GNA15: variants seen among roughly 807,000 people sequenced by gnomAD.
GNA15 encodes guanine nucleotide-binding protein subunit alpha-15.
A neutral mutation model predicts 40.1 loss-of-function variants in GNA15; 23 were observed. That is an observed-to-expected ratio of 0.57 (90% CI 0.41 to 0.81). GNA15 has a LOEUF of 0.81. Among genes scored for constraint, GNA15 ranks in the 40% least tolerant of loss-of-function variants. GNA15 has a pLI of 0.00. For synonymous variants in GNA15, 226 were observed against 210.4 expected (o/e 1.07, Z -0.64); for missense variants, 522 against 515.8 (o/e 1.01, Z -0.12).
intron 6 of GNA15, among the ~76,000 whole-genome samples, chr19:3,161,129 A>G (rs1472922436): frequency 1.3e-5 from 2 of 151,928 alleles, no homozygotes; most frequent in African/African-American, 4.8e-5. Context: ...ATTTCTGTAG[A>G]GACAGGGTTT....
chr19:3,138,544 A>C (rs149250680), intron 1 of GNA15, among the ~76,000 whole-genome samples: 2,865 of 152,310 alleles, frequency 0.019, 84 homozygotes, highest in African/African-American at 0.065. Flanking sequence ...CCCGAGAGGA[A>C]AGAGAGAGAA....
rs534462911 is a variant in GNA15, at chr19:3,144,174, A to G, written c.146-4417A>G. On this transcript the variant is annotated intron_variant, in intron 1 of 6. Transcript: ENST00000262958. ...TCCCCCTCTCGTGGTGAGGCTCAGG[A>G]CAGATGGTGGGACTCCAGCTCTTAG... 3.1e-3 allele frequency among the ~76,000 whole-genome samples: 463 copies of G among 151,282 alleles called. 3 individuals are homozygous for G. The highest frequency in any genetic ancestry group is 0.011 in the African/African-American group (435 of 41,266).
Position 3,136,387 on chromosome 19 carries a change from G to A in GNA15, c.-64G>A, listed in dbSNP as rs940701272. 1.3e-6 allele frequency: 2 copies of A among 1,504,426 alleles called. No individual in the cohort carries two copies. Among genetic ancestry groups the A allele is most frequent in the East Asian group, 2.5e-5 (1 of 40,160 alleles). The allele number at this position is 1,504,426 out of a possible 1,614,324, so 93.2% of individuals were successfully genotyped here. On this transcript the variant is annotated 5_prime_UTR_variant, in exon 1 of 7. Transcript: ENST00000262958. The surrounding 1 kb of genome is among the most constrained non-coding windows in gnomAD (Gnocchi z 4.9). ...CCTCTCCAGGGCCGGCTGGGCTGGG[G>A]GTTGCCCTGGCCAGCAGGGGCCCGG...
intron 1 of GNA15, among the ~76,000 whole-genome samples, chr19:3,144,787 C>G (rs532078782): frequency 1.3e-5 from 2 of 151,242 alleles, no homozygotes; most frequent in Non-Finnish European, 2.9e-5. Context: ...CTTGGCCTCC[C>G]ATAGTGCTGA....
At chr19:3,147,175 A>G (rs1335197309) in intron 1 of GNA15, among the ~76,000 whole-genome samples, 1 of 152,144 alleles carries the variant, frequency 6.6e-6, no homozygotes, top group Admixed American at 6.6e-5. Context: ...TGCCCTATTT[A>G]TCCTATGTTA....
chr19:3,150,983 C>G (rs371188156), intron 3 of GNA15, among the ~76,000 whole-genome samples: 3 of 150,746 alleles, frequency 2.0e-5, no homozygotes, highest in East Asian at 3.9e-4. Context: ...GACCCTGTTC[C>G]TAGGGGTGAT....
At chr19:3,145,915 G>A (rs1914711415) in intron 1 of GNA15, among the ~76,000 whole-genome samples, 1 of 151,960 alleles carries the variant, frequency 6.6e-6, no homozygotes. Context: ...GGACTGGAGA[G>A]TCGAGGCGGC....
At chr19:3,145,359 A>ATATATATATATATATATATTTTT in intron 1 of GNA15, among the ~76,000 whole-genome samples, 19 of 46,958 alleles carry the variant, frequency 4.0e-4, no homozygotes, top group Non-Finnish European at 6.6e-4. Flanking sequence ...ATATATATAT[A>ATATATATATATATATATATTTTT]TTTTTTTTTT....
chr19:3,138,944 T>A (rs1333435083), intron 1 of GNA15, among the ~76,000 whole-genome samples: 5 of 136,596 alleles, frequency 3.7e-5, no homozygotes, highest in African/African-American at 5.5e-5. Flanking sequence ...AGCCTCTTTT[T>A]TTTTTTTTTT....
rs1469732300 is a variant in GNA15, at chr19:3,136,736, C to A, written c.145+141C>A. The A allele has an allele frequency of 5.2e-6, 4 of 762,482 alleles. No homozygotes were observed. Among genetic ancestry groups the A allele is most frequent in the Non-Finnish European group, 8.3e-6 (4 of 483,334 alleles). 47.2% of individuals were successfully genotyped at this position (762,482 alleles called of 1,614,324 possible). A position where few individuals can be genotyped will look rare whatever the true frequency, so the allele number is the denominator to read the frequency against. The stretch of plus-strand genomic sequence containing the variant: ...TCGCCTCCTCCCAGGGAATGGGGAG[C>A]CTGGAACCCATTTTCCAGATGAGAA... On this transcript the variant is annotated intron_variant, in intron 1 of 6. Transcript: ENST00000262958. This position sits in a 1 kb window ranked among gnomAD's most constrained non-coding sequence, Gnocchi z 4.9.
chr19:3,152,229 C>T (rs895177171), intron 4 of GNA15, among the ~76,000 whole-genome samples: 1 of 152,032 alleles, frequency 6.6e-6, no homozygotes, highest in African/African-American at 2.4e-5. Context: ...CTGTAGTCAT[C>T]AACACTGGGG....
At chr19:3,137,571 C>G (rs2529776) in intron 1 of GNA15, among the ~76,000 whole-genome samples, 5 of 151,940 alleles carry the variant, frequency 3.3e-5, no homozygotes, top group Admixed American at 1.3e-4. Flanking sequence ...ATCACAAGGT[C>G]GGGAGATCGA....
Position 3,151,734 on chromosome 19 carries a change from C to A in GNA15, c.513C>A (p.Thr171=), listed in dbSNP as rs368743040. ...VYYLSHLERI[T]EEGYVPTAQD... is the part of the protein sequence containing the mutation. ...ACCTGTCCCACCTGGAGCGCATCAC[C>A]GAGGAGGGCTACGTCCCCACAGCTC... Residue 171 remains threonine, a synonymous_variant, in exon 4 of 7, where the codon ACC becomes ACA. Transcript: ENST00000262958. The surrounding 1 kb of genome is among the most constrained non-coding windows in gnomAD (Gnocchi z 5.0). The A allele has an allele frequency of 1.5e-5, 24 of 1,607,702 alleles. No individual in the cohort carries two copies. Among genetic ancestry groups the A allele is most frequent in the Admixed American group, 1.0e-4 (6 of 59,094 alleles).
At chr19:3,139,971 T>G (rs912352770) in intron 1 of GNA15, among the ~76,000 whole-genome samples, 1 of 151,538 alleles carries the variant, frequency 6.6e-6, no homozygotes, top group Admixed American at 6.6e-5. Flanking sequence ...AGGCAGAGGT[T>G]GCAGTGAGCC....
At chr19:3,138,727 T>C (rs1011905596) in intron 1 of GNA15, among the ~76,000 whole-genome samples, 5 of 151,440 alleles carry the variant, frequency 3.3e-5, no homozygotes, top group African/African-American at 9.7e-5. Flanking sequence ...GCCTCCCGGG[T>C]TCAAGCAATT....
chr19:3,147,167 C>T (rs536452309), intron 1 of GNA15, among the ~76,000 whole-genome samples: 8 of 152,292 alleles, frequency 5.3e-5, no homozygotes, highest in African/African-American at 1.9e-4. Flanking sequence ...TTACTCCTTG[C>T]CCTATTTATC....
chr19:3,139,904 C>G (rs564425958), intron 1 of GNA15, among the ~76,000 whole-genome samples: 2 of 151,800 alleles, frequency 1.3e-5, no homozygotes, highest in Non-Finnish European at 2.9e-5. Context: ...CGTGGTGGTG[C>G]GCACCTGTAG....
chr19:3,149,277 G>GCA (rs765703255), intron 2 of GNA15: 4 of 162,794 alleles, frequency 2.5e-5, no homozygotes, highest in South Asian at 1.5e-4. Flanking sequence ...ATTCCCACAT[G>GCA]CACACACACA....
intron 6 of GNA15, 106 bp downstream of exon 6, chr19:3,157,987 A>G (rs935533734): frequency 1.1e-6 from 1 of 869,862 alleles, no homozygotes; most frequent in Non-Finnish European, 1.9e-6. Context: ...GAACTTTCAC[A>G]TAGGATCAGA....
Sources: gnomAD v4.1 joint callset for allele counts (sites outside exome capture counted in the v4.1 genomes callset) on GRCh38, gnomAD v4.1.1 for gene constraint, Gnocchi (gnomAD v3.1) non-coding constraint, MANE v1.5 for transcripts, NCBI Gene and HGNC (gene_info 2026-07-23, HGNC 2026-07-21) for gene names.